PTPRT: variants seen among roughly 807,000 people sequenced by gnomAD.
PTPRT encodes the protein receptor-type tyrosine-protein phosphatase T.
In PTPRT, 56 loss-of-function variants were observed where a neutral mutation model predicts 176.8. That is an observed-to-expected ratio of 0.32 (90% CI 0.26 to 0.40). The LOEUF is 0.40. Ranked by LOEUF, PTPRT falls within the 10% of genes least tolerant of loss-of-function variation. PTPRT has a pLI of 1.00. For synonymous variants in PTPRT, 783 were observed against 739.0 expected, an observed-to-expected ratio of 1.06 and a Z score of -0.96; for missense variants, 1,540 against 1,908.2, an observed-to-expected ratio of 0.81 and a Z score of 3.60.
chr20:42,448,151 C>A (rs2070765932), intron 9 of PTPRT, 69 bp downstream of exon 9: 1 of 1,215,780 alleles, frequency 8.2e-7, no homozygotes, highest in African/African-American at 1.5e-5. Flanking sequence ...AATGGGTATT[C>A]ACCAATGTCA....
chr20:42,702,207 G>T (rs1424340961), intron 6 of PTPRT, among the ~76,000 whole-genome samples: 1 of 152,026 alleles, frequency 6.6e-6, no homozygotes, highest in Non-Finnish European at 1.5e-5. Context: ...AGTGTTCTTT[G>T]TCCTCCACTA....
At chr20:42,344,822 A>G (rs774389770) in intron 11 of PTPRT, among the ~76,000 whole-genome samples, 1 of 151,876 alleles carries the variant, frequency 6.6e-6, no homozygotes, top group Admixed American at 6.6e-5. Context: ...TTCTCTCCTC[A>G]TCTCTCTGTC....
chr20:43,168,991 A>T (rs1376443406), intron 1 of PTPRT, among the ~76,000 whole-genome samples: 1 of 152,210 alleles, frequency 6.6e-6, no homozygotes, highest in Non-Finnish European at 1.5e-5. Flanking sequence ...TTTAAAAATG[A>T]TCCACAAACT....
In PTPRT at chr20:42,570,470, G is replaced by A. The variant is rs539935910; in HGVS notation, c.1154-97908C>T. ...GACTCCACCAAACACAGATCTAATC[G>A]CCCACAAATGCACTGCCTGATGGGT... On this transcript the variant is annotated intron_variant, in intron 7 of 30. Transcript: ENST00000373187. 9.2e-5 allele frequency among the ~76,000 whole-genome samples: 14 copies of A among 152,164 alleles called. 1 individual carries two copies. Among genetic ancestry groups the A allele is most frequent in the South Asian group, 6.2e-4 (3 of 4,808 alleles).
At chr20:42,804,175 C>T (rs2077571146) in intron 2 of PTPRT, among the ~76,000 whole-genome samples, 1 of 152,004 alleles carries the variant, frequency 6.6e-6, no homozygotes, top group African/African-American at 2.4e-5. Context: ...CATCCTGAAC[C>T]CACTCTTCCC....
At chr20:42,451,512 A>G (rs1261464623) in intron 8 of PTPRT, among the ~76,000 whole-genome samples, 3 of 152,216 alleles carry the variant, frequency 2.0e-5, no homozygotes, top group Admixed American at 6.5e-5. Flanking sequence ...GAGCAGAGAA[A>G]AAAAAATAGG....
intron 6 of PTPRT, among the ~76,000 whole-genome samples, chr20:42,719,344 GA>G (rs2076272898): frequency 6.6e-6 from 1 of 152,142 alleles, no homozygotes. Context: ...ATATTTAAGG[GA>G]AAGGCCCAGA....
At chr20:42,781,852 T>C (rs2077219968) in intron 3 of PTPRT, among the ~76,000 whole-genome samples, 1 of 152,214 alleles carries the variant, frequency 6.6e-6, no homozygotes, top group Admixed American at 6.5e-5. Context: ...GATAGTACAG[T>C]GCTTAAACTC....
chr20:42,724,044 G>C (rs1023047511), intron 6 of PTPRT, among the ~76,000 whole-genome samples: 4 of 152,200 alleles, frequency 2.6e-5, no homozygotes, highest in Admixed American at 2.0e-4. Flanking sequence ...GACTTTTAAA[G>C]TATTTTCACA....
intron 2 of PTPRT, among the ~76,000 whole-genome samples, chr20:42,822,262 T>A (rs144237581): frequency 1.2e-4 from 18 of 152,238 alleles, no homozygotes; most frequent in Non-Finnish European, 2.1e-4. Context: ...TCTACAACCA[T>A]CTGATCTTCA....
chr20:42,816,363 T>C (rs1392766497), intron 2 of PTPRT, among the ~76,000 whole-genome samples: 3 of 152,172 alleles, frequency 2.0e-5, no homozygotes, highest in African/African-American at 4.8e-5. Flanking sequence ...CACGGTTTGG[T>C]TTTGCAATGA....
chr20:42,661,658 G>A (rs1409572244), intron 7 of PTPRT, among the ~76,000 whole-genome samples: 1 of 152,106 alleles, frequency 6.6e-6, no homozygotes, highest in East Asian at 1.9e-4. Context: ...GTGGTGGATG[G>A]ACAACCACTC....
At position 43,047,568 on chromosome 20, in the gene PTPRT, T is replaced by C. The variant is rs374663317; in HGVS notation, c.88+142078A>G. ...AAATTAATGTTTTCTATTAACTCCA[T>C]TTCCAATAAAGTAGGAATTCAACAA... On this transcript the variant is annotated intron_variant, in intron 1 of 30. Transcript: ENST00000373187. 2.6e-5 allele frequency among the ~76,000 whole-genome samples: 4 copies of C among 152,312 alleles called. No individual in the cohort carries two copies. The East Asian group carries it at 7.7e-4, about 29-fold the overall frequency.
At chr20:42,909,268 T>C (rs1046043052) in intron 1 of PTPRT, among the ~76,000 whole-genome samples, 1 of 152,168 alleles carries the variant, frequency 6.6e-6, no homozygotes, top group African/African-American at 2.4e-5. Context: ...CTATATTCTA[T>C]TAACCCAAGC....
At chr20:42,471,134 G>A (rs531953265) in intron 8 of PTPRT, among the ~76,000 whole-genome samples, 3 of 152,234 alleles carry the variant, frequency 2.0e-5, no homozygotes, top group African/African-American at 4.8e-5. Flanking sequence ...CAATGTGTAC[G>A]CTAAGCTTTT....
intron 12 of PTPRT, among the ~76,000 whole-genome samples, chr20:42,315,136 C>T (rs557762730): frequency 6.5e-4 from 43 of 66,462 alleles, no homozygotes; most frequent in African/African-American, 2.4e-3. Context: ...CGAGATTGCG[C>T]CACTGCAGTC....
chr20:42,445,437 G>A (rs975035352), intron 9 of PTPRT, among the ~76,000 whole-genome samples: 11 of 152,152 alleles, frequency 7.2e-5, no homozygotes, highest in Non-Finnish European at 1.2e-4. Flanking sequence ...GCAAGTAAAT[G>A]TCAGAGCTGG....
intron 11 of PTPRT, among the ~76,000 whole-genome samples, chr20:42,320,084 T>C (rs1266870985): frequency 1.3e-5 from 2 of 152,212 alleles, no homozygotes. Flanking sequence ...TTTTCATTAC[T>C]TATGCCAAGG....
intron 15 of PTPRT, among the ~76,000 whole-genome samples, chr20:42,224,954 C>T (rs1273300710): frequency 2.0e-5 from 3 of 152,202 alleles, no homozygotes; most frequent in Non-Finnish European, 2.9e-5. Context: ...GTAGTGCACT[C>T]TCCCGACCCC....
Sources: gnomAD v4.1 joint callset for allele counts (sites outside exome capture counted in the v4.1 genomes callset) on GRCh38, gnomAD v4.1.1 for gene constraint, MANE v1.5 for transcripts, NCBI Gene and HGNC (gene_info 2026-07-23, HGNC 2026-07-21) for gene names.